The following CD160 variants were observed in gnomAD, a reference collection of about 807,000 sequenced individuals.
CD160 encodes the protein CD160 molecule, also known as CD160 antigen.
In CD160, 11 loss-of-function variants were observed where a neutral mutation model predicts 19.2. That is an observed-to-expected ratio of 0.57 (90% CI 0.36 to 0.95). The LOEUF (loss-of-function observed/expected upper bound fraction) is 0.95, where lower values mean the gene tolerates loss of function less well. Among genes scored for constraint, CD160 ranks in the 40% least tolerant of loss-of-function variants. CD160 has a pLI of 0.01. For missense variants in CD160, 182 were observed against 213.2 expected (o/e 0.85, Z 0.91); for synonymous variants, 75 against 81.1 (o/e 0.93, Z 0.40).
chr1:145,736,114 C>T lies in CD160; in HGVS notation c.518C>T (p.Thr173Ile). 2 of 1,614,162 alleles carry T rather than the reference C, an allele frequency of 1.2e-6. No individual in the cohort carries two copies. Among genetic ancestry groups the T allele is most frequent in the South Asian group, 2.2e-5 (2 of 91,082 alleles). Residue 173 changes from threonine (T) to isoleucine (I), a missense_variant, in exon 5 of 6, where the codon ACC becomes ATC. Thr to Ile is a moderately conservative substitution (Grantham distance 89). Transcript: ENST00000369288. ...GAAAAGGTCTGGGTAATGCTGGTCA[C>T]CAGCCTTGTGGCCCTTCAAGGTATG... ...LQEKVWVMLV[T>I]SLVALQAL
chr1:145,733,325 G>T (rs1657368137), intron 4 of CD160, among the ~76,000 whole-genome samples: 1 of 152,094 alleles, frequency 6.6e-6, no homozygotes. Context: ...TTTTAGTTGA[G>T]ACGGGGTTTT....
rs59357123 is a variant in CD160 at position 145,728,501 on chromosome 1, C to CTT, written c.73+122_73+123dup. 716 of 293,364 alleles carry CTT rather than the reference C, an allele frequency of 2.4e-3. 4 individuals carry two copies. Among genetic ancestry groups the CTT allele is most frequent in the African/African-American group, 8.6e-3 (228 of 26,570 alleles). The allele number at this position is 293,364 out of a possible 1,614,324, so 18.2% of individuals were successfully genotyped here. The stretch of plus-strand genomic sequence containing the variant: ...TTCTCTAGTGGGGAAACAAAGGACT[C>CTT]TTTTTTTTTTTTTTTTTTTTTTGAG... On this transcript the variant is annotated intron_variant, in intron 3 of 5. Coordinates refer to ENST00000369288, the MANE Select transcript of CD160 (RefSeq NM_007053.4).
intron 3 of CD160, among the ~76,000 whole-genome samples, chr1:145,730,319 T>A (rs1340235660): frequency 2.0e-5 from 3 of 151,938 alleles, no homozygotes; most frequent in Non-Finnish European, 4.4e-5. Flanking sequence ...GACCTTGTTT[T>A]AAAAAAAAAT....
chr1:145,724,996 T>G (rs1202957698), intron 2 of CD160, 90 bp downstream of exon 2: 1 of 151,994 alleles, frequency 6.6e-6, no homozygotes, highest in Non-Finnish European at 1.5e-5. Context: ...ACTCCTGGGC[T>G]CAAGTGATCC....
intron 2 of CD160, among the ~76,000 whole-genome samples, chr1:145,727,687 C>T (rs1571677149): frequency 1.3e-5 from 2 of 152,016 alleles, no homozygotes; most frequent in South Asian, 2.1e-4. Context: ...ATCTCTAATA[C>T]GGAGAAAGTG....
At chr1:145,719,830 A>G (rs1478831924) in intron 1 of CD160, among the ~76,000 whole-genome samples, 1 of 152,242 alleles carries the variant, frequency 6.6e-6, no homozygotes, top group East Asian at 1.9e-4. Flanking sequence ...GAAAGTTACC[A>G]AAGTTTAGAT....
At chr1:145,736,453 A>T in intron 5 of CD160, 1 of 439,568 alleles carries the variant, frequency 2.3e-6, no homozygotes, top group Admixed American at 3.7e-5. Context: ...GAAGCAACAG[A>T]TTTTCAGCTA....
At chr1:145,726,689 C>A (rs1657064219) in intron 2 of CD160, among the ~76,000 whole-genome samples, 1 of 151,842 alleles carries the variant, frequency 6.6e-6, no homozygotes, top group Non-Finnish European at 1.5e-5. Context: ...ATGTAACAAA[C>A]CTGCACATTG....
intron 4 of CD160, among the ~76,000 whole-genome samples, chr1:145,733,833 A>G (rs781953054): frequency 6.6e-5 from 10 of 152,018 alleles, no homozygotes; most frequent in Non-Finnish European, 1.3e-4. Context: ...CTCTCTCCCT[A>G]GTTCTCATCT....
At position 145,730,885 on chromosome 1, in the gene CD160, C is replaced by T; in HGVS notation, c.215C>T (p.Thr72Ile). Residue 72 changes from threonine to isoleucine, a missense_variant, in exon 4 of 6, where the codon ACC (threonine) becomes ATC (isoleucine). By Grantham distance (89) the Thr-to-Ile change is moderately conservative. Coordinates refer to ENST00000369288, the MANE Select transcript of CD160 (RefSeq NM_007053.4). ...KDRSGDCSPE[T>I]SLKQLRLKRD... ...AGGTCTGGAGACTGTTCTCCTGAGA[C>T]CAGTTTAAAACAGCTGAGACTTAAA... is the stretch of plus-strand genomic sequence containing the variant. The T allele has an allele frequency of 1.2e-6, 2 of 1,613,816 alleles. No homozygotes were observed. The highest frequency in any genetic ancestry group is 8.5e-7 in the Non-Finnish European group (1 of 1,179,948).
At position 145,730,814 on chromosome 1, in the gene CD160, TAAGA is replaced by T. The variant is rs782799210; in HGVS notation, c.150_153del (p.Glu51ArgfsTer6). ...TAAACTTAATCTGTACTGTATGGCA[TAAGA>T]AAGAAGAGGCTGAGGGGTTTGTAGT... On this transcript the variant is annotated frameshift_variant, in exon 4 of 6. Coordinates refer to ENST00000369288, the MANE Select transcript of CD160 (RefSeq NM_007053.4). LOFTEE classifies it high-confidence loss of function. 1.4e-5 allele frequency: 22 copies of T among 1,614,056 alleles called. No individual in the cohort carries two copies. Among genetic ancestry groups the T allele is most frequent in the Admixed American group, 1.3e-4 (8 of 60,002 alleles).
At chr1:145,731,192 A>G (rs1477358390) in intron 4 of CD160, 122 bp downstream of exon 4, 1 of 742,448 alleles carries the variant, frequency 1.3e-6, no homozygotes, top group African/African-American at 1.8e-5. Flanking sequence ...TCCTTTTCCA[A>G]CATCCCCATT....
intron 3 of CD160, among the ~76,000 whole-genome samples, chr1:145,728,993 C>T (rs1231002084): frequency 1.3e-5 from 2 of 152,094 alleles, no homozygotes; most frequent in African/African-American, 4.8e-5. Flanking sequence ...ACTTCAGCAG[C>T]TAGTTTAACC....
chr1:145,732,520 A>G (rs1657336522), intron 4 of CD160, among the ~76,000 whole-genome samples: 1 of 151,312 alleles, frequency 6.6e-6, no homozygotes, highest in African/African-American at 2.4e-5. Flanking sequence ...GTGGAAAAGA[A>G]AAAAAAAAGG....
intron 4 of CD160, among the ~76,000 whole-genome samples, chr1:145,735,415 GTC>G (rs1468698603): frequency 2.6e-5 from 4 of 152,080 alleles, no homozygotes; most frequent in African/African-American, 9.7e-5. Context: ...GTGAAAACCT[GTC>G]TCTACAAAAA....
At chr1:145,735,346 G>A (rs1204509428) in intron 4 of CD160, among the ~76,000 whole-genome samples, 1 of 152,102 alleles carries the variant, frequency 6.6e-6, no homozygotes, top group Non-Finnish European at 1.5e-5. Context: ...AGCACTTAGG[G>A]AGGCCAAGGC....
chr1:145,727,563 A>C (rs1353677421), intron 2 of CD160, among the ~76,000 whole-genome samples: 7 of 152,214 alleles, frequency 4.6e-5, no homozygotes, highest in Admixed American at 1.3e-4. Context: ...TGTTGTATTT[A>C]ATTACATACA....
intron 1 of CD160, among the ~76,000 whole-genome samples, chr1:145,723,148 T>C (rs1465486454): frequency 6.6e-6 from 1 of 152,186 alleles, no homozygotes; most frequent in Non-Finnish European, 1.5e-5. Flanking sequence ...AGGTCAAGGC[T>C]AGGAAAGGAC....
intron 2 of CD160, 60 bp from the exon 3 acceptor site, chr1:145,728,196 T>C: frequency 1.5e-6 from 1 of 652,870 alleles, no homozygotes; most frequent in Non-Finnish European, 2.8e-6. Context: ...GAGCCTGGGA[T>C]GGGGAAATGG....
Sources: allele counts gnomAD v4.1 joint callset (sites outside exome capture counted in the v4.1 genomes callset), GRCh38; gene constraint gnomAD v4.1.1; transcripts MANE v1.5; gene names NCBI Gene and HGNC (gene_info 2026-07-23, HGNC 2026-07-21).